Variants in PARD3B observed in about 807,000 individuals in gnomAD.
The protein encoded by PARD3B is par-3 family cell polarity regulator beta, also known as partitioning defective 3 homolog B.
PARD3B carries 103 observed loss-of-function variants against 130.2 expected under a neutral mutation model. The observed-to-expected ratio is 0.79, with a 90% CI of 0.67 to 0.93. The LOEUF is 0.93. Among genes scored for constraint, PARD3B ranks in the 40% least tolerant of loss-of-function variants. PARD3B has a pLI of 0.00. For missense variants in PARD3B, 1,609 were observed against 1,499.2 expected, an observed-to-expected ratio of 1.07 and a Z score of -1.21; for synonymous variants, 583 against 553.2, an observed-to-expected ratio of 1.05 and a Z score of -0.76.
chr2:204,911,025 G>A (rs1382562272), intron 2 of PARD3B, among the ~76,000 whole-genome samples: 1 of 152,138 alleles, frequency 6.6e-6, no homozygotes, highest in Non-Finnish European at 1.5e-5. Context: ...AAATGAAAGT[G>A]ACTATTTTAA....
At chr2:204,994,926 T>G (rs1458023215) in intron 3 of PARD3B, among the ~76,000 whole-genome samples, 1 of 151,776 alleles carries the variant, frequency 6.6e-6, no homozygotes, top group East Asian at 1.9e-4. Context: ...TGTTTTCCAT[T>G]GGCTTGGTAG....
chr2:204,832,120 G>A (rs1024298163), intron 2 of PARD3B, among the ~76,000 whole-genome samples: 1 of 152,070 alleles, frequency 6.6e-6, no homozygotes, highest in Non-Finnish European at 1.5e-5. Context: ...CAGCTAGTGG[G>A]GAGGCTGAGG....
chr2:205,573,185 T>G (rs1341730058), intron 22 of PARD3B, among the ~76,000 whole-genome samples: 1 of 152,140 alleles, frequency 6.6e-6, no homozygotes, highest in Admixed American at 6.5e-5. Flanking sequence ...GAAACTATAG[T>G]TCAAGATGAG....
chr2:205,139,536 A>G (rs2032771404), intron 10 of PARD3B, among the ~76,000 whole-genome samples: 1 of 152,212 alleles, frequency 6.6e-6, no homozygotes, highest in Admixed American at 6.5e-5. Context: ...AATTATATAA[A>G]TAAGTATTAA....
chr2:205,048,766 T>C (rs1055834851), intron 4 of PARD3B, among the ~76,000 whole-genome samples: 1 of 152,188 alleles, frequency 6.6e-6, no homozygotes, highest in Non-Finnish European at 1.5e-5. Context: ...TTTGTGGCAA[T>C]ATTTTGGCAT....
intron 2 of PARD3B, among the ~76,000 whole-genome samples, chr2:204,734,318 T>C (rs1423263396): frequency 6.6e-6 from 1 of 152,176 alleles, no homozygotes; most frequent in African/African-American, 2.4e-5. Flanking sequence ...TGCTGGGCAA[T>C]TCAGAATTTA....
intron 22 of PARD3B, among the ~76,000 whole-genome samples, chr2:205,554,103 G>A (rs1442752087): frequency 2.0e-5 from 3 of 152,208 alleles, no homozygotes; most frequent in South Asian, 2.1e-4. Flanking sequence ...AAGAGTACAT[G>A]CAGTCCAGCT....
intron 15 of PARD3B, among the ~76,000 whole-genome samples, chr2:205,224,380 A>AAAAAAG (rs2038417795): frequency 6.7e-6 from 1 of 148,788 alleles, no homozygotes; most frequent in Non-Finnish European, 1.5e-5. Flanking sequence ...CAAAAAAAAA[A>AAAAAAG]AAAAAAAAGA....
chr2:204,745,126 G>A (rs1473255381), intron 2 of PARD3B, among the ~76,000 whole-genome samples: 1 of 152,106 alleles, frequency 6.6e-6, no homozygotes, highest in Non-Finnish European at 1.5e-5. Flanking sequence ...ATAGAAAGAT[G>A]GAGGATAGAA....
At chr2:204,571,097 T>A (rs2031978732) in intron 1 of PARD3B, among the ~76,000 whole-genome samples, 1 of 152,206 alleles carries the variant, frequency 6.6e-6, no homozygotes, top group African/African-American at 2.4e-5. Flanking sequence ...TTCTGGATAC[T>A]TTATTTCTAC....
intron 15 of PARD3B, among the ~76,000 whole-genome samples, chr2:205,220,834 C>G (rs1379360673): frequency 6.6e-6 from 1 of 152,084 alleles, no homozygotes; most frequent in Non-Finnish European, 1.5e-5. Context: ...GAGCATGTTC[C>G]AAAACCTTGA....
chr2:205,232,334 C>G (rs1328599638), intron 15 of PARD3B, among the ~76,000 whole-genome samples: 1 of 152,200 alleles, frequency 6.6e-6, no homozygotes, highest in Non-Finnish European at 1.5e-5. Flanking sequence ...ACACTGTAGT[C>G]CTAGCTACTT....
chr2:205,581,024 A>G (rs562924690), intron 22 of PARD3B, among the ~76,000 whole-genome samples: 1 of 152,300 alleles, frequency 6.6e-6, no homozygotes, highest in East Asian at 1.9e-4. Flanking sequence ...AAATGCTCAC[A>G]TTTCAAGTAT....
intron 18 of PARD3B, among the ~76,000 whole-genome samples, chr2:205,346,217 A>T (rs997568331): frequency 1.0e-4 from 13 of 127,620 alleles, no homozygotes; most frequent in African/African-American, 3.4e-4. Flanking sequence ...ATAAATAAAT[A>T]AATTTCATAT....
In PARD3B at chr2:204,887,738, G is replaced by GT. The variant is rs2046312267; in HGVS notation, c.223-77413dup. 6.6e-6 allele frequency among the ~76,000 whole-genome samples: 1 copy of GT among 152,008 alleles called. No individual in the cohort carries two copies. The highest frequency in any genetic ancestry group is 2.1e-4 in the South Asian group (1 of 4,826). ...TCCCTTCCCTCAAGCAGAATGCAAG[G>GT]TAACTGGAGACATAAAATGAGCACA... On this transcript the variant is annotated intron_variant, in intron 2 of 22. Coordinates refer to ENST00000406610, the MANE Select transcript of PARD3B (RefSeq NM_001302769.2). This position sits in a 1 kb window ranked among gnomAD's most constrained non-coding sequence, Gnocchi z 4.2.
rs534327938 is a variant in PARD3B, at chr2:205,213,777, C to T, written c.2140+20457C>T. Among the ~76,000 whole-genome samples, 46 of 151,986 alleles carry T rather than the reference C, an allele frequency of 3.0e-4. No homozygotes were observed. In the South Asian group the frequency reaches 9.6e-3, roughly 32 times the overall value. ...TTTGGGAAAGGCTGATAAAAATGAA[C>T]GTATTTAAGGAAGGAACCAAACACA... On this transcript the variant is annotated intron_variant, in intron 15 of 22. Transcript: ENST00000406610.
chr2:204,787,108 A>G (rs962726981), intron 2 of PARD3B, among the ~76,000 whole-genome samples: 1 of 151,978 alleles, frequency 6.6e-6, no homozygotes, highest in Non-Finnish European at 1.5e-5. Flanking sequence ...GTTACTCAGC[A>G]CATCTTTTTG....
chr2:205,218,482 G>T (rs573157984), intron 15 of PARD3B, among the ~76,000 whole-genome samples: 6 of 152,010 alleles, frequency 3.9e-5, no homozygotes, highest in African/African-American at 1.2e-4. Context: ...TTGCAAAAAG[G>T]TTACACTTTT....
At chr2:205,114,557 C>T (rs1263647454) in intron 6 of PARD3B, among the ~76,000 whole-genome samples, 1 of 152,088 alleles carries the variant, frequency 6.6e-6, no homozygotes, top group Non-Finnish European at 1.5e-5. Context: ...AAATCCAGCT[C>T]TCCTAACTTC....
Sources: gnomAD v4.1 joint callset for allele counts (sites outside exome capture counted in the v4.1 genomes callset) on GRCh38, gnomAD v4.1.1 for gene constraint, Gnocchi (gnomAD v3.1) non-coding constraint, MANE v1.5 for transcripts, NCBI Gene and HGNC (gene_info 2026-07-23, HGNC 2026-07-21) for gene names.